The following RBMS3 variants were observed in gnomAD, a reference collection of about 807,000 sequenced individuals.
The protein encoded by RBMS3 is RNA-binding motif, single-stranded-interacting protein 3.
A neutral mutation model predicts 66.8 loss-of-function variants in RBMS3; 27 were observed. That is an observed-to-expected ratio of 0.40 (90% CI 0.30 to 0.56). The LOEUF is 0.56. Ranked by LOEUF, RBMS3 falls within the 20% of genes least tolerant of loss-of-function variation. The pLI, the probability that RBMS3 is intolerant of heterozygous loss-of-function variation, is 0.40. For missense variants in RBMS3, 513 were observed against 549.5 expected, an observed-to-expected ratio of 0.93 and a Z score of 0.66; for synonymous variants, 188 against 183.0, an observed-to-expected ratio of 1.03 and a Z score of -0.22.
chr3:30,002,392 C>CACACACACACAT, intron 14 of RBMS3, among the ~76,000 whole-genome samples: 1 of 151,556 alleles, frequency 6.6e-6, no homozygotes, highest in East Asian at 1.9e-4. Context: ...TCTCCCCCAA[C>CACACACACACAT]ACACACACAC....
intron 6 of RBMS3, among the ~76,000 whole-genome samples, chr3:29,809,563 A>T (rs903609356): frequency 6.6e-6 from 1 of 151,982 alleles, no homozygotes; most frequent in African/African-American, 2.4e-5. Context: ...ACTAATATTA[A>T]ATTTTATCAT....
intron 4 of RBMS3, among the ~76,000 whole-genome samples, chr3:29,649,891 C>T (rs570999811): frequency 1.3e-5 from 2 of 152,280 alleles, no homozygotes; most frequent in East Asian, 3.9e-4. Context: ...CCATCCATAT[C>T]TATTGGATGC....
At chr3:29,288,816 G>A (rs1015544940) in intron 1 of RBMS3, among the ~76,000 whole-genome samples, 8 of 151,888 alleles carry the variant, frequency 5.3e-5, no homozygotes, top group African/African-American at 9.7e-5. Flanking sequence ...CCTAGAAAAC[G>A]TGGGAACTGA....
chr3:29,433,453 T>C (rs917333469), intron 1 of RBMS3, among the ~76,000 whole-genome samples: 4 of 152,208 alleles, frequency 2.6e-5, no homozygotes, highest in Admixed American at 6.5e-5. Context: ...ACAAGACAGA[T>C]ACAAACCATG....
chr3:29,822,144 T>C (rs1396851952), intron 6 of RBMS3, among the ~76,000 whole-genome samples: 1 of 152,156 alleles, frequency 6.6e-6, no homozygotes, highest in Non-Finnish European at 1.5e-5. Flanking sequence ...GGTGCTTCTC[T>C]TTTTTTCACA....
intron 5 of RBMS3, among the ~76,000 whole-genome samples, chr3:29,742,329 C>T (rs968839677): frequency 6.6e-6 from 1 of 152,116 alleles, no homozygotes; most frequent in African/African-American, 2.4e-5. Context: ...CCACAGTGAG[C>T]CCTTCAATAT....
At chr3:29,484,519 C>T (rs2043251240) in intron 2 of RBMS3, among the ~76,000 whole-genome samples, 1 of 152,118 alleles carries the variant, frequency 6.6e-6, no homozygotes, top group Admixed American at 6.5e-5. Flanking sequence ...AAGGCTCTGT[C>T]TCCAAATACA....
At chr3:29,421,537 G>GT (rs1419859372) in intron 1 of RBMS3, among the ~76,000 whole-genome samples, 1 of 152,102 alleles carries the variant, frequency 6.6e-6, no homozygotes, top group African/African-American at 2.4e-5. Context: ...TAACGTATAA[G>GT]TTTTTTCCAC....
At chr3:29,847,533 A>G in intron 6 of RBMS3, among the ~76,000 whole-genome samples, 1 of 152,236 alleles carries the variant, frequency 6.6e-6, no homozygotes, top group Non-Finnish European at 1.5e-5. Context: ...AAAGTGAAGT[A>G]TCAATAACTC....
At chr3:29,532,408 T>C (rs1229747218) in intron 3 of RBMS3, among the ~76,000 whole-genome samples, 1 of 151,768 alleles carries the variant, frequency 6.6e-6, no homozygotes, top group Admixed American at 6.6e-5. Flanking sequence ...TGGGGGAAAC[T>C]GAGTGAACAG....
At chr3:29,898,731 A>ATGTGTGTGTGTGTG (rs1265286069) in intron 9 of RBMS3, among the ~76,000 whole-genome samples, 109 of 112,302 alleles carry the variant, frequency 9.7e-4, no homozygotes, top group African/African-American at 4.4e-3. Context: ...CCTGGTTGTA[A>ATGTGTGTGTGTGTG]TGTGCGTGTG....
At chr3:29,925,255 G>T (rs551539618) in intron 10 of RBMS3, 9 of 152,208 alleles carry the variant, frequency 5.9e-5, no homozygotes, top group Non-Finnish European at 1.0e-4. Flanking sequence ...TATGTATATT[G>T]AGCTAACCAA....
At chr3:29,419,383 T>C (rs1261156319) in intron 1 of RBMS3, among the ~76,000 whole-genome samples, 3 of 152,174 alleles carry the variant, frequency 2.0e-5, no homozygotes, top group Non-Finnish European at 2.9e-5. Flanking sequence ...TCATTGAATT[T>C]ATCTGCTGAA....
At chr3:29,589,228 C>T (rs1427110697) in intron 4 of RBMS3, among the ~76,000 whole-genome samples, 2 of 152,050 alleles carry the variant, frequency 1.3e-5, no homozygotes, top group African/African-American at 4.8e-5. Context: ...CTCTCTTACC[C>T]ACTCCCCCGC....
chr3:29,291,507 TG>T (rs2032809870), intron 1 of RBMS3, among the ~76,000 whole-genome samples: 1 of 151,826 alleles, frequency 6.6e-6, no homozygotes, highest in African/African-American at 2.4e-5. Context: ...ATTGCGTAAT[TG>T]GTGAAATTGT....
intron 6 of RBMS3, among the ~76,000 whole-genome samples, chr3:29,831,997 T>C (rs763229007): frequency 5.3e-5 from 8 of 152,296 alleles, no homozygotes; most frequent in Non-Finnish European, 1.2e-4. Context: ...ACTTGTTCCA[T>C]TGTAGTACTG....
intron 2 of RBMS3, among the ~76,000 whole-genome samples, chr3:29,453,868 T>G (rs904728515): frequency 6.6e-6 from 1 of 152,172 alleles, no homozygotes; most frequent in Non-Finnish European, 1.5e-5. Context: ...TATTTTGCAC[T>G]GTTCTTTGTG....
At position 29,701,112 on chromosome 3, in the gene RBMS3, A is replaced by C. The variant is rs1384162692; in HGVS notation, c.400-38608A>C. Among the ~76,000 whole-genome samples the C allele has an allele frequency of 2.6e-5, 4 of 152,100 alleles. No individual in the cohort carries two copies. The South Asian group carries it at 8.3e-4, about 32-fold the overall frequency. On this transcript the variant is annotated intron_variant, in intron 4 of 14. Transcript: ENST00000383767. The stretch of plus-strand genomic sequence containing the variant: ...GCCAACATGGTGAAACCCAGTCTCT[A>C]CTAAAAATACAAAAATTAGCCGGAC...
chr3:29,550,856 C>G (rs1309313028), intron 3 of RBMS3, among the ~76,000 whole-genome samples: 2 of 152,200 alleles, frequency 1.3e-5, no homozygotes, highest in African/African-American at 2.4e-5. Flanking sequence ...GACCCGGAAG[C>G]AGCACACATC....
Sources: gnomAD v4.1 joint callset for allele counts (sites outside exome capture counted in the v4.1 genomes callset) on GRCh38, gnomAD v4.1.1 for gene constraint, MANE v1.5 for transcripts, NCBI Gene and HGNC (gene_info 2026-07-23, HGNC 2026-07-21) for gene names.